MRPS30: variants seen among roughly 807,000 people sequenced by gnomAD.
MRPS30 encodes large ribosomal subunit protein mL65.
Under a neutral mutation model 43.8 loss-of-function variants are expected in MRPS30, and 42 were observed. The ratio of observed to expected loss-of-function variants is 0.96; its 90% CI spans 0.75 to 1.24. The LOEUF is 1.24. Ranked by LOEUF, MRPS30 falls within the 50% of genes most tolerant of loss-of-function variation. The pLI is 0.00. For synonymous variants in MRPS30, 273 were observed against 228.2 expected, an observed-to-expected ratio of 1.20 and a Z score of -1.77; for missense variants, 638 against 570.0, an observed-to-expected ratio of 1.12 and a Z score of -1.22.
Position 44,815,432 on chromosome 5 carries a change from TAAGAC to T in MRPS30, c.*233_*237del. 2.6e-6 allele frequency: 1 copy of T among 385,062 alleles called. No individual in the cohort carries two copies. Among genetic ancestry groups the T allele is most frequent in the South Asian group, 4.7e-5 (1 of 21,484 alleles). The allele number at this position is 385,062 out of a possible 1,614,324, so 23.9% of individuals were successfully genotyped here. A position where few individuals can be genotyped will look rare whatever the true frequency, so the allele number is the denominator to read the frequency against. On this transcript the variant is annotated 3_prime_UTR_variant, in exon 5 of 5. Coordinates refer to ENST00000507110, the MANE Select transcript of MRPS30 (RefSeq NM_016640.4). ...ATTGCATTTGTATATTGCTAACTGATAAGACAAATTGAGTTATTGAGCTATTAAAT... is the reference window on the plus strand; with the variant it reads ...ATTGCATTTGTATATTGCTAACTGATAAATTGAGTTATTGAGCTATTAAAT...
chr5:44,809,590 G>T lies in MRPS30; in HGVS notation c.601+27G>T, dbSNP rs376256112. Reference sequence around the variant, plus strand: ...TGAGCCTTGGATTCCGCCCCAGGGCGGAAGGGAGAGATGGGGATTGTACTG... The same window carrying T: ...TGAGCCTTGGATTCCGCCCCAGGGCTGAAGGGAGAGATGGGGATTGTACTG... On this transcript the variant is annotated intron_variant, in intron 1 of 4. Coordinates refer to ENST00000507110, the MANE Select transcript of MRPS30 (RefSeq NM_016640.4). 30 of 1,553,434 alleles carry T rather than the reference G, an allele frequency of 1.9e-5. 1 individual carries two copies. In the African/African-American group the frequency reaches 2.9e-4, roughly 15 times the overall value.
In MRPS30 at chr5:44,809,540, C is replaced by T. The variant is rs752069824; in HGVS notation, c.578C>T (p.Pro193Leu). Residue 193 changes from proline (P) to leucine (L), a missense_variant, in exon 1 of 5, where the codon CCG becomes CTG. Transcript: ENST00000507110. Reference sequence around the variant, plus strand: ...GTGGGCCTCCTCAGCCCACACAACCCGGCCCTGGCCGCTGCCGCCCTCGGT... The same window carrying T: ...GTGGGCCTCCTCAGCCCACACAACCTGGCCCTGGCCGCTGCCGCCCTCGGT... The part of the protein sequence containing the change: ...TLVGLLSPHN[P>L]ALAAAALDYR... 9 of 1,600,072 alleles carry T rather than the reference C, an allele frequency of 5.6e-6. No homozygotes were observed. The highest frequency in any genetic ancestry group is 1.7e-5 in the Admixed American group (1 of 57,702).
chr5:44,813,441 A>G lies in MRPS30; in HGVS notation c.1030+159A>G, dbSNP rs1047301078. On this transcript the variant is annotated intron_variant, in intron 4 of 4. Coordinates refer to ENST00000507110, the MANE Select transcript of MRPS30 (RefSeq NM_016640.4). ...TACAGTTGTTTTAAAATCCTCGTTT[A>G]AATACTATACATTTGAAATCTGACA... 3 of 577,494 alleles carry G rather than the reference A, an allele frequency of 5.2e-6. No individual in the cohort carries two copies. The African/African-American group carries it at 5.9e-5, about 11-fold the overall frequency. 35.8% of individuals were successfully genotyped at this position (577,494 alleles called of 1,614,324 possible).
intron 3 of MRPS30, among the ~76,000 whole-genome samples, chr5:44,812,582 C>G (rs1742860694): frequency 6.6e-6 from 1 of 151,678 alleles, no homozygotes; most frequent in South Asian, 2.1e-4. Flanking sequence ...CTGCAAGGAA[C>G]TTTTTGTTGA....
rs1222942692 is a variant in MRPS30 at position 44,809,223 on chromosome 5, G to A, written c.261G>A (p.Gln87=). Residue 87 remains glutamine (Q), a synonymous_variant, in exon 1 of 5, where the codon CAG becomes CAA. Coordinates refer to ENST00000507110, the MANE Select transcript of MRPS30 (RefSeq NM_016640.4). ...DEKLRILTKM[Q]FMKYMVYPQT... ...AGCTGCGAATCCTCACCAAGATGCA[G>A]TTTATGAAGTACATGGTTTACCCGC... The A allele has an allele frequency of 6.8e-6, 11 of 1,613,688 alleles. No homozygotes were observed. The highest frequency in any genetic ancestry group is 9.3e-6 in the Non-Finnish European group (11 of 1,179,924).
In MRPS30 at chr5:44,809,011, T is replaced by A. The variant is rs775553861; in HGVS notation, c.49T>A (p.Ser17Thr). ...WRPLLRGPRL[S>T]LHTAANAAAT... is the part of the protein sequence containing the mutation. The stretch of plus-strand genomic sequence containing the variant: ...GCCTTTGCTACGCGGTCCGAGGCTT[T>A]CATTGCACACCGCGGCTAATGCCGC... The change falls in exon 1 of 5, where the codon TCA (serine) becomes ACA (threonine). Residue 17 changes from serine (S) to threonine (T), a missense_variant. Transcript: ENST00000507110. The A allele has an allele frequency of 4.3e-6, 7 of 1,610,038 alleles. No homozygotes were observed. The highest frequency in any genetic ancestry group is 5.9e-6 in the Non-Finnish European group (7 of 1,178,836).
Position 44,809,361 on chromosome 5 carries a change from T to C in MRPS30, c.399T>C (p.Pro133=), listed in dbSNP as rs375428957. The change falls in exon 1 of 5, where the codon CCT becomes CCC. Residue 133 remains proline (P), a synonymous_variant. Transcript: ENST00000507110. ...CCGAGCCCGAGCCCGAACCCGAACC[T>C]GAACCTGCGCTGGACCTCGCGGCGC... ...AEPEPEPEPE[P]EPALDLAALR... 1.5e-4 allele frequency: 245 copies of C among 1,604,732 alleles called. No homozygotes were observed. The Middle Eastern group carries it at 3.3e-3, about 22-fold the overall frequency.
At chr5:44,812,377 A>G (rs1250087426) in intron 3 of MRPS30, among the ~76,000 whole-genome samples, 1 of 152,178 alleles carries the variant, frequency 6.6e-6, no homozygotes, top group Non-Finnish European at 1.5e-5. Context: ...TGTGCCATGC[A>G]TGGTGGTAAG....
In MRPS30 at chr5:44,809,346, GCCCGAA is replaced by G. The variant is rs753431420; in HGVS notation, c.393_398del (p.Glu134_Pro135del). ...CGCCCCCAGCGGAGCCCGAGCCCGAGCCCGAACCCGAACCTGAACCTGCGCTGGACC... is the reference window on the plus strand; with the variant it reads ...CGCCCCCAGCGGAGCCCGAGCCCGAGCCCGAACCTGAACCTGCGCTGGACC... On this transcript the variant is annotated inframe_deletion, in exon 1 of 5. Coordinates refer to ENST00000507110, the MANE Select transcript of MRPS30 (RefSeq NM_016640.4). 12 of 1,608,198 alleles carry G rather than the reference GCCCGAA, an allele frequency of 7.5e-6. No homozygotes were observed. In the East Asian group the frequency reaches 2.0e-4, roughly 27 times the overall value.
chr5:44,809,079 CCCCGTCGCGCGGTA>C lies in MRPS30; in HGVS notation c.122_135del (p.Val41AlafsTer89), dbSNP rs770195743. ...CGACCTGCCAAGACGTCGCGGCGAC[CCCCGTCGCGCGGTA>C]CCCGCCGATTGTGGCCTCCATGACA... On this transcript the variant is annotated frameshift_variant, in exon 1 of 5. Transcript: ENST00000507110. LOFTEE classifies it high-confidence loss of function. 1.9e-6 allele frequency: 3 copies of C among 1,610,058 alleles called. No homozygotes were observed. The South Asian group carries it at 3.3e-5, about 18-fold the overall frequency.
intron 4 of MRPS30, chr5:44,813,497 A>T: frequency 2.5e-6 from 1 of 399,326 alleles, no homozygotes; most frequent in Non-Finnish European, 4.4e-6. Flanking sequence ...TTTTACTTTG[A>T]CCATCTTCTG....
At chr5:44,813,709 T>C (rs1742878066) in intron 4 of MRPS30, 1 of 155,972 alleles carries the variant, frequency 6.4e-6, no homozygotes, top group East Asian at 1.9e-4. Context: ...CAGTAAACAG[T>C]AACTGCTTTT....
Position 44,811,124 on chromosome 5 carries a change from C to A in MRPS30, c.717C>A (p.Asn239Lys). The part of the protein sequence containing the change: ...LRYQIDDKPN[N>K]QIRISKQLAE... ...ACCAGATAGATGATAAACCAAACAA[C>A]CAGATTCGAATATCCAAGCAACTCG... The change falls in exon 2 of 5, where the codon AAC becomes AAA. Residue 239 changes from asparagine to lysine, a missense_variant. By Grantham distance (94) the Asn-to-Lys change is moderately conservative (BLOSUM62 0). Coordinates refer to ENST00000507110, the MANE Select transcript of MRPS30 (RefSeq NM_016640.4). 1 of 1,613,970 alleles carries A rather than the reference C, an allele frequency of 6.2e-7. No homozygotes were observed. Among genetic ancestry groups the A allele is most frequent in the African/African-American group, 1.3e-5 (1 of 75,022 alleles).
chr5:44,809,953 G>A (rs963217711), intron 1 of MRPS30: 1 of 212,816 alleles, frequency 4.7e-6, no homozygotes, highest in Non-Finnish European at 9.2e-6. Flanking sequence ...TGTGTCACAT[G>A]GCTGAGTAGT....
intron 2 of MRPS30, among the ~76,000 whole-genome samples, chr5:44,811,369 C>T (rs1357451430): frequency 5.3e-5 from 8 of 152,122 alleles, no homozygotes; most frequent in Non-Finnish European, 7.4e-5. Context: ...TTAACAATAA[C>T]GGGTTAAAGT....
In MRPS30 at chr5:44,814,900, CT is replaced by C. The variant is rs1450576598; in HGVS notation, c.1031-10del. ...ATTCTATGTGTAAATTTCAGCATAA[CT>C]TTCTTCTACAGGATTCTGGAGTGAA... On this transcript the variant is annotated splice_polypyrimidine_tract_variant and intron_variant, in intron 4 of 4. Coordinates refer to ENST00000507110, the MANE Select transcript of MRPS30 (RefSeq NM_016640.4). The C allele has an allele frequency of 1.3e-6, 2 of 1,584,490 alleles. No individual in the cohort carries two copies. The highest frequency in any genetic ancestry group is 1.7e-6 in the Non-Finnish European group (2 of 1,166,486).
At chr5:44,811,234 A>T in intron 2 of MRPS30, 80 bp downstream of exon 2, 1 of 1,467,738 alleles carries the variant, frequency 6.8e-7, no homozygotes, top group South Asian at 1.3e-5. Flanking sequence ...TAGTCTTAGT[A>T]GAATAAAATG....
At chr5:44,809,589 C>T in intron 1 of MRPS30, 26 bp downstream of exon 1, 1 of 1,555,672 alleles carries the variant, frequency 6.4e-7, no homozygotes, top group Non-Finnish European at 8.7e-7. Flanking sequence ...CGCCCCAGGG[C>T]GGAAGGGAGA....
In MRPS30 at chr5:44,809,517, G is replaced by T. The variant is rs1370935191; in HGVS notation, c.555G>T (p.Val185=). The part of the protein sequence containing the change: ...PFLDQLVSTL[V]GLLSPHNPAL... ...TGGATCAGCTGGTGTCAACCCTCGT[G>T]GGCCTCCTCAGCCCACACAACCCGG... The change falls in exon 1 of 5, where the codon GTG becomes GTT. Residue 185 remains valine (V), a synonymous_variant. Coordinates refer to ENST00000507110, the MANE Select transcript of MRPS30 (RefSeq NM_016640.4). 1.2e-6 allele frequency: 2 copies of T among 1,611,850 alleles called. No individual in the cohort carries two copies. Among genetic ancestry groups the T allele is most frequent in the Non-Finnish European group, 1.7e-6 (2 of 1,178,994 alleles).
Sources: allele counts gnomAD v4.1 joint callset (sites outside exome capture counted in the v4.1 genomes callset), GRCh38; gene constraint gnomAD v4.1.1; transcripts MANE v1.5; gene names NCBI Gene and HGNC (gene_info 2026-07-23, HGNC 2026-07-21).